UNC13C: variants seen among roughly 807,000 people sequenced by gnomAD.
UNC13C encodes unc-13 homolog C.
In UNC13C, 174 loss-of-function variants were observed where a neutral mutation model predicts 245.4. The ratio of observed to expected loss-of-function variants is 0.71; its 90% CI spans 0.63 to 0.80. UNC13C has a LOEUF of 0.80. Ranked by LOEUF, UNC13C falls within the 30% of genes least tolerant of loss-of-function variation. The pLI, the probability that UNC13C is intolerant of heterozygous loss-of-function variation, is 0.00. For missense variants in UNC13C, 2,829 were observed against 2,602.9 expected (o/e 1.09, Z -1.89); for synonymous variants, 992 against 895.1 (o/e 1.11, Z -1.93).
intron 14 of UNC13C, among the ~76,000 whole-genome samples, chr15:54,326,105 A>C (rs1253466153): frequency 6.6e-6 from 1 of 152,034 alleles, no homozygotes; most frequent in Non-Finnish European, 1.5e-5. Context: ...CTGTTCTGAA[A>C]TTCAAGGAAA....
At chr15:54,057,845 C>A (rs1333681653) in intron 2 of UNC13C, among the ~76,000 whole-genome samples, 2 of 152,184 alleles carry the variant, frequency 1.3e-5, no homozygotes, top group African/African-American at 4.8e-5. Flanking sequence ...ACTGAACAAC[C>A]TGCTCCTGAA....
intron 17 of UNC13C, among the ~76,000 whole-genome samples, chr15:54,382,431 G>A (rs113753097): frequency 0.063 from 9,564 of 151,828 alleles, 367 homozygotes; most frequent in Admixed American, 0.11. Flanking sequence ...TCCGCAAAAC[G>A]TACAAAAATT....
At chr15:54,433,064 T>C (rs762080466) in intron 19 of UNC13C, among the ~76,000 whole-genome samples, 3 of 151,950 alleles carry the variant, frequency 2.0e-5, no homozygotes, top group South Asian at 2.1e-4. Flanking sequence ...AATCCCTGAA[T>C]AGACTAATAA....
chr15:53,906,693 A>C, the UNC13C span, among the ~76,000 whole-genome samples: 1 of 152,208 alleles, frequency 6.6e-6, no homozygotes, highest in Non-Finnish European at 1.5e-5. Context: ...GGCCATACCC[A>C]GTACCCTGTA....
intron 29 of UNC13C, among the ~76,000 whole-genome samples, chr15:54,559,706 G>C (rs1260850405): frequency 9.9e-5 from 15 of 151,898 alleles, no homozygotes; most frequent in Admixed American, 9.9e-4. Flanking sequence ...AGGACATTTG[G>C]GGATGTAGAG....
intron 30 of UNC13C, among the ~76,000 whole-genome samples, chr15:54,614,488 G>C (rs565275800): frequency 1.3e-5 from 2 of 151,994 alleles, no homozygotes; most frequent in Non-Finnish European, 2.9e-5. Flanking sequence ...GTGGTAGTCA[G>C]GTAGTCAATA....
intron 4 of UNC13C, among the ~76,000 whole-genome samples, chr15:54,159,162 A>T (rs2032873816): frequency 6.6e-6 from 1 of 152,220 alleles, no homozygotes; most frequent in African/African-American, 2.4e-5. Context: ...AATGTGTCTT[A>T]CTTATTATAC....
At position 54,610,231 on chromosome 15, in the gene UNC13C, C is replaced by T. The variant is rs150140993; in HGVS notation, c.6107-12096C>T. Among the ~76,000 whole-genome samples the T allele has an allele frequency of 2.3e-3, 347 of 152,082 alleles. 4 individuals are homozygous for T. Among genetic ancestry groups the T allele is most frequent in the African/African-American group, 7.1e-3 (295 of 41,484 alleles). On this transcript the variant is annotated intron_variant, in intron 30 of 32. Transcript: ENST00000260323. ...ACTAGTTTACTACTTATAGACATAT[C>T]GGTTGTCTTTAGCTTTTTTTTTGAG...
intron 8 of UNC13C, among the ~76,000 whole-genome samples, chr15:54,253,425 T>C (rs967551986): frequency 6.6e-6 from 1 of 152,104 alleles, no homozygotes; most frequent in African/African-American, 2.4e-5. Context: ...GGCCCAAAAC[T>C]CATAGACACA....
intron 2 of UNC13C, among the ~76,000 whole-genome samples, chr15:54,038,118 A>ATTT (rs1297641805): frequency 1.9e-3 from 56 of 28,774 alleles, no homozygotes; most frequent in Non-Finnish European, 2.7e-3. Context: ...ATATATATAT[A>ATTT]TATATATTTT....
At chr15:54,183,103 A>T (rs2033854646) in intron 4 of UNC13C, among the ~76,000 whole-genome samples, 1 of 151,998 alleles carries the variant, frequency 6.6e-6, no homozygotes, top group African/African-American at 2.4e-5. Context: ...ACATTTTACA[A>T]ACCCGAAAGA....
chr15:53,928,326 A>G, the UNC13C span, among the ~76,000 whole-genome samples: 6 of 152,214 alleles, frequency 3.9e-5, no homozygotes, highest in Non-Finnish European at 8.8e-5. Context: ...GGGCTAGTTA[A>G]CTGCAGCAGG....
At chr15:54,094,079 A>C (rs1899719365) in intron 2 of UNC13C, among the ~76,000 whole-genome samples, 1 of 151,902 alleles carries the variant, frequency 6.6e-6, no homozygotes, top group Non-Finnish European at 1.5e-5. Flanking sequence ...CTCATCAATG[A>C]CTGAGTGGAG....
intron 22 of UNC13C, among the ~76,000 whole-genome samples, chr15:54,502,921 A>G (rs1337697128): frequency 6.6e-6 from 1 of 152,100 alleles, no homozygotes; most frequent in Non-Finnish European, 1.5e-5. Context: ...ACCCGTTTGT[A>G]GCTCTGACCT....
At chr15:54,172,525 A>G (rs981375581) in intron 4 of UNC13C, among the ~76,000 whole-genome samples, 2 of 151,364 alleles carry the variant, frequency 1.3e-5, no homozygotes, top group Non-Finnish European at 3.0e-5. Context: ...CTTTTTCTTG[A>G]TGAGTAGTAT....
chr15:54,314,039 C>G lies in UNC13C; in HGVS notation c.4269-7900C>G, dbSNP rs2037943964. On this transcript the variant is annotated intron_variant, in intron 13 of 32. Transcript: ENST00000260323. ...GGGAAATAAGGCAGGCACAGAAAGACAAATACTGCATAATCTCACTTATAT... is the reference window on the plus strand; with the variant it reads ...GGGAAATAAGGCAGGCACAGAAAGAGAAATACTGCATAATCTCACTTATAT... Among the ~76,000 whole-genome samples the G allele has an allele frequency of 2.0e-5, 3 of 149,288 alleles. No individual in the cohort carries two copies. In the South Asian group the frequency reaches 6.3e-4, roughly 32 times the overall value.
chr15:54,578,900 G>T (rs889693592), intron 30 of UNC13C, among the ~76,000 whole-genome samples: 4 of 152,176 alleles, frequency 2.6e-5, no homozygotes, highest in Non-Finnish European at 4.4e-5. Context: ...TGGCTCCTGG[G>T]TGCCCGTTTG....
intron 2 of UNC13C, among the ~76,000 whole-genome samples, chr15:54,076,088 T>C (rs1898602883): frequency 7.0e-6 from 1 of 143,432 alleles, no homozygotes; most frequent in African/African-American, 2.6e-5. Context: ...TCACTTTGTC[T>C]CCCAGTATTC....
At chr15:54,514,055 A>G (rs962523988) in intron 24 of UNC13C, among the ~76,000 whole-genome samples, 4 of 152,230 alleles carry the variant, frequency 2.6e-5, no homozygotes, top group Non-Finnish European at 4.4e-5. Context: ...ATACAGAATT[A>G]TGATAGAATT....
Sources: allele counts gnomAD v4.1 joint callset (sites outside exome capture counted in the v4.1 genomes callset), GRCh38; gene constraint gnomAD v4.1.1; transcripts MANE v1.5; gene names NCBI Gene and HGNC (gene_info 2026-07-23, HGNC 2026-07-21).